COL21A1: variants seen among roughly 807,000 people sequenced by gnomAD.
COL21A1 encodes collagen type XXI alpha 1 chain, also known as collagen alpha-1(XXI) chain.
In COL21A1, 149 loss-of-function variants were observed where a neutral mutation model predicts 137.9. That is an observed-to-expected ratio of 1.08 (90% CI 0.95 to 1.24). COL21A1 has a LOEUF of 1.24. Among genes scored for constraint, COL21A1 ranks in the 50% most tolerant of loss-of-function variants. The probability of loss-of-function intolerance (pLI) is 0.00; values close to 1 mark genes in which losing one functional copy is unlikely to be tolerated. For missense variants in COL21A1, 1,167 were observed against 1,158.4 expected (o/e 1.01, Z -0.11); for synonymous variants, 456 against 391.5 (o/e 1.16, Z -1.95).
intron 3 of COL21A1, among the ~76,000 whole-genome samples, chr6:56,178,171 TA>T (rs938515119): frequency 3.3e-5 from 5 of 152,164 alleles, no homozygotes; most frequent in African/African-American, 1.2e-4. Context: ...AAATGAATGA[TA>T]AGTGAAATTT....
upstream of COL21A1, among the ~76,000 whole-genome samples, chr6:56,252,208 G>A (rs1305033621): frequency 6.6e-6 from 1 of 152,196 alleles, no homozygotes; most frequent in Non-Finnish European, 1.5e-5. Context: ...AAAGATTCAA[G>A]TGGTCTGAGT....
At chr6:56,072,321 G>A (rs907284081) in intron 20 of COL21A1, among the ~76,000 whole-genome samples, 21 of 151,456 alleles carry the variant, frequency 1.4e-4, no homozygotes, top group East Asian at 3.9e-4. Flanking sequence ...GATACATACC[G>A]AGTAAAGGGC....
chr6:56,184,092 T>C (rs965669044), intron 1 of COL21A1, among the ~76,000 whole-genome samples: 3 of 152,128 alleles, frequency 2.0e-5, no homozygotes. Context: ...TAAATTTTTC[T>C]GGTGAAAAGG....
intron 1 of COL21A1, among the ~76,000 whole-genome samples, chr6:56,343,860 G>C (rs1399601918): frequency 1.3e-5 from 2 of 152,126 alleles, no homozygotes; most frequent in Non-Finnish European, 2.9e-5. Flanking sequence ...TGAGGTGGGA[G>C]GATTGAGCCC....
chr6:56,156,842 T>C (rs757053683), intron 10 of COL21A1, 45 bp downstream of exon 10: 3 of 1,499,812 alleles, frequency 2.0e-6, no homozygotes, highest in Non-Finnish European at 2.8e-6. Context: ...ACTTTGACAC[T>C]GTAATCCCAG....
intron 1 of COL21A1, among the ~76,000 whole-genome samples, chr6:56,361,776 G>A (rs1765973413): frequency 6.6e-6 from 1 of 152,042 alleles, no homozygotes; most frequent in Admixed American, 6.6e-5. Flanking sequence ...GTGTGTGTGT[G>A]TGGTGTGTGT....
intron 1 of COL21A1, among the ~76,000 whole-genome samples, chr6:56,217,143 C>T (rs1424369973): frequency 6.6e-6 from 1 of 151,918 alleles, no homozygotes; most frequent in Non-Finnish European, 1.5e-5. Flanking sequence ...CAGAGTAATA[C>T]TCTCAAGTGT....
At chr6:56,268,470 C>T (rs986712817) in intron 1 of COL21A1, among the ~76,000 whole-genome samples, 4 of 152,138 alleles carry the variant, frequency 2.6e-5, no homozygotes, top group Non-Finnish European at 5.9e-5. Flanking sequence ...CCATTCTTCC[C>T]ACCACTACTC....
At chr6:56,067,440 C>T in intron 22 of COL21A1, 110 bp from the exon 23 acceptor site, 1 of 893,090 alleles carries the variant, frequency 1.1e-6, no homozygotes, top group Admixed American at 2.2e-5. Flanking sequence ...GCAAACTCCA[C>T]AAGTGCCTGT....
At chr6:56,146,654 T>C (rs377531740) in intron 10 of COL21A1, among the ~76,000 whole-genome samples, 3 of 152,130 alleles carry the variant, frequency 2.0e-5, no homozygotes, top group East Asian at 3.9e-4. Context: ...GCACAATGCC[T>C]AAGAGGAATT....
intron 1 of COL21A1, among the ~76,000 whole-genome samples, chr6:56,191,785 A>G (rs1416995385): frequency 6.6e-6 from 1 of 152,102 alleles, no homozygotes; most frequent in Non-Finnish European, 1.5e-5. Flanking sequence ...ATGGAAAGGA[A>G]GGATCAGTAT....
At chr6:56,093,395 A>T (rs1769038856) in intron 17 of COL21A1, among the ~76,000 whole-genome samples, 1 of 152,202 alleles carries the variant, frequency 6.6e-6, no homozygotes, top group Non-Finnish European at 1.5e-5. Context: ...TATGGGTATG[A>T]TCCATCCTAG....
At chr6:56,215,960 G>C (rs1282087117) in intron 1 of COL21A1, among the ~76,000 whole-genome samples, 1 of 152,020 alleles carries the variant, frequency 6.6e-6, no homozygotes, top group African/African-American at 2.4e-5. Flanking sequence ...TTGCCTGTGA[G>C]TTCCTTGAGG....
chr6:56,385,224 A>T (rs1237998102), intron 1 of COL21A1, among the ~76,000 whole-genome samples: 2 of 152,260 alleles, frequency 1.3e-5, no homozygotes, highest in African/African-American at 2.4e-5. Context: ...AGGTGATGTC[A>T]TATGCTAAGA....
chr6:56,061,269 T>A lies in COL21A1; in HGVS notation c.2206-232A>T, dbSNP rs181810990. ...AGACCTACAAGTATCCACAACTGAT[T>A]GAGTATATTGTATAGGTAATACGCA... On this transcript the variant is annotated intron_variant, in intron 25 of 29. Coordinates refer to ENST00000244728, the MANE Select transcript of COL21A1 (RefSeq NM_030820.4). The A allele has an allele frequency of 7.1e-3, 3,731 of 529,060 alleles. 20 individuals are homozygous for A. The highest frequency in any genetic ancestry group is 9.9e-3 in the Non-Finnish European group (2,997 of 303,730). The allele number at this position is 529,060 out of a possible 1,614,324, so 32.8% of individuals were successfully genotyped here.
intron 1 of COL21A1, among the ~76,000 whole-genome samples, chr6:56,384,516 G>A (rs867965032): frequency 1.3e-5 from 2 of 152,194 alleles, no homozygotes; most frequent in South Asian, 4.1e-4. Flanking sequence ...TCTGCTTCTG[G>A]TCCATAATAA....
At chr6:56,351,009 C>T (rs771834285) in intron 1 of COL21A1, among the ~76,000 whole-genome samples, 3 of 152,256 alleles carry the variant, frequency 2.0e-5, no homozygotes, top group African/African-American at 4.8e-5. Flanking sequence ...GTCTGTCTCT[C>T]TAACATTTAG....
chr6:56,149,521 T>C (rs1775116635), intron 10 of COL21A1, among the ~76,000 whole-genome samples: 1 of 152,110 alleles, frequency 6.6e-6, no homozygotes, highest in African/African-American at 2.4e-5. Flanking sequence ...AGAGAACTCA[T>C]CCTAAATGTC....
intron 1 of COL21A1, among the ~76,000 whole-genome samples, chr6:56,201,119 T>G (rs1367361014): frequency 1.3e-5 from 2 of 152,160 alleles, no homozygotes; most frequent in East Asian, 1.9e-4. Flanking sequence ...GAAGTGTCTG[T>G]TCATATCCTT....
Sources: allele counts gnomAD v4.1 joint callset (sites outside exome capture counted in the v4.1 genomes callset), GRCh38; gene constraint gnomAD v4.1.1; transcripts MANE v1.5; gene names NCBI Gene and HGNC (gene_info 2026-07-23, HGNC 2026-07-21).